Variants in TRPM3 observed in about 807,000 individuals in gnomAD.
TRPM3 encodes transient receptor potential cation channel subfamily M member 3.
Under a neutral mutation model 181.2 loss-of-function variants are expected in TRPM3, and 77 were observed. The ratio of observed to expected loss-of-function variants is 0.42; its 90% confidence interval spans 0.35 to 0.51. The LOEUF is 0.51. Ranked by LOEUF, TRPM3 falls within the 20% of genes least tolerant of loss-of-function variation. The probability of loss-of-function intolerance (pLI) is 0.01; values close to 1 mark genes in which losing one functional copy is unlikely to be tolerated. For synonymous variants in TRPM3, 745 were observed against 796.4 expected, an observed-to-expected ratio of 0.94 and a Z score of 1.09; for missense variants, 1,759 against 2,196.7, an observed-to-expected ratio of 0.80 and a Z score of 3.98.
At chr9:70,772,316 G>T (rs575575836) in intron 7 of TRPM3, among the ~76,000 whole-genome samples, 193 of 88,428 alleles carry the variant, frequency 2.2e-3, no homozygotes, top group African/African-American at 6.5e-3. Context: ...TGTCATCACA[G>T]AGAGTATTTT....
At chr9:70,630,399 C>A (rs1224727527) in intron 12 of TRPM3, among the ~76,000 whole-genome samples, 2 of 152,160 alleles carry the variant, frequency 1.3e-5, no homozygotes, top group Non-Finnish European at 2.9e-5. Context: ...TCCAGTGATC[C>A]CCTGGAGTTT....
intron 1 of TRPM3, among the ~76,000 whole-genome samples, chr9:71,174,799 ATCC>A (rs2077028271): frequency 6.6e-6 from 1 of 152,120 alleles, no homozygotes; most frequent in South Asian, 2.1e-4. Context: ...ACATAAGGAG[ATCC>A]TGATGATGAA....
chr9:70,581,894 T>TC (rs1564422972), intron 22 of TRPM3, among the ~76,000 whole-genome samples: 7 of 148,386 alleles, frequency 4.7e-5, no homozygotes, highest in Admixed American at 2.0e-4. Flanking sequence ...CTCCCTCCCT[T>TC]CCTCCTTCCC....
intron 9 of TRPM3, among the ~76,000 whole-genome samples, chr9:70,645,742 CAA>C (rs141101888): frequency 0.17 from 25,749 of 148,540 alleles, 2,546 homozygotes; most frequent in East Asian, 0.4. Flanking sequence ...TTCTTCACAG[CAA>C]AAAAAAAAAA....
chr9:71,431,224 C>T (rs1589000124), intron 1 of TRPM3, among the ~76,000 whole-genome samples: 3 of 151,932 alleles, frequency 2.0e-5, no homozygotes, highest in East Asian at 1.9e-4. Flanking sequence ...ACAAGTGTTC[C>T]GTAAGTTTCA....
At chr9:70,887,096 T>C (rs2096100365) in intron 1 of TRPM3, among the ~76,000 whole-genome samples, 1 of 152,196 alleles carries the variant, frequency 6.6e-6, no homozygotes, top group South Asian at 2.1e-4. Context: ...TTTACCAATA[T>C]AAACAACCTA....
chr9:70,851,063 C>T (rs1310409503), intron 3 of TRPM3, among the ~76,000 whole-genome samples: 1 of 152,064 alleles, frequency 6.6e-6, no homozygotes, highest in Non-Finnish European at 1.5e-5. Context: ...TTTTGGAACC[C>T]CAAAATTCTC....
chr9:70,604,128 C>T (rs1044038420), intron 19 of TRPM3, among the ~76,000 whole-genome samples: 4 of 152,160 alleles, frequency 2.6e-5, no homozygotes, highest in Admixed American at 6.5e-5. Context: ...GGAAAGGGTC[C>T]GTGTGGCCTT....
At chr9:71,444,908 C>T (rs1247497252) in intron 1 of TRPM3, among the ~76,000 whole-genome samples, 1 of 152,180 alleles carries the variant, frequency 6.6e-6, no homozygotes, top group Non-Finnish European at 1.5e-5. Flanking sequence ...ATCAAACTTG[C>T]CATGCAATGT....
Position 70,750,666 on chromosome 9 carries a change from T to C in TRPM3, c.1272+10935A>G, listed in dbSNP as rs377158586. On this transcript the variant is annotated intron_variant, in intron 8 of 25. Coordinates refer to ENST00000677713, the MANE Select transcript of TRPM3 (RefSeq NM_001366145.2). ...GAAACTCAGAATAACTTGGCCACAA[T>C]TGGCTGGTGGCGGTGGCAATGAGGA... is the stretch of plus-strand genomic sequence containing the variant. Among the ~76,000 whole-genome samples, 353 of 152,186 alleles carry C rather than the reference T, an allele frequency of 2.3e-3. 4 individuals carry two copies. The highest frequency in any genetic ancestry group is 0.019 in the South Asian group (93 of 4,818).
chr9:70,832,438 G>A (rs1460931604), intron 5 of TRPM3, among the ~76,000 whole-genome samples: 1 of 152,110 alleles, frequency 6.6e-6, no homozygotes, highest in Non-Finnish European at 1.5e-5. Flanking sequence ...AAGAGTAAAT[G>A]AGAGAATTCT....
At chr9:71,362,214 ATC>A (rs1329188731) in intron 1 of TRPM3, among the ~76,000 whole-genome samples, 1 of 152,214 alleles carries the variant, frequency 6.6e-6, no homozygotes, top group African/African-American at 2.4e-5. Flanking sequence ...TATCCTGAAC[ATC>A]TCTCATTCCA....
At chr9:70,585,261 T>C (rs189825514) in intron 22 of TRPM3, among the ~76,000 whole-genome samples, 83 of 152,302 alleles carry the variant, frequency 5.4e-4, no homozygotes, top group Non-Finnish European at 1.1e-3. Context: ...TCTATAAATA[T>C]TCACCCAGTT....
intron 22 of TRPM3, among the ~76,000 whole-genome samples, chr9:70,565,143 T>A (rs1206888169): frequency 6.6e-6 from 1 of 152,218 alleles, no homozygotes; most frequent in Admixed American, 6.5e-5. Context: ...GTATGCTGCA[T>A]ATGAACTGCT....
chr9:70,788,159 C>A (rs1387009158), intron 6 of TRPM3, among the ~76,000 whole-genome samples: 173 of 105,622 alleles, frequency 1.6e-3, no homozygotes, highest in African/African-American at 5.7e-3. Context: ...CTATCCCTCC[C>A]CCCTCCCCCC....
In TRPM3 at chr9:70,536,734, A is replaced by T; in HGVS notation, c.4379T>A (p.Leu1460His). The change falls in exon 26 of 26, where the codon CTT (leucine) becomes CAT (histidine). Residue 1460 changes from leucine (L) to histidine (H), a missense_variant. Physicochemically the swap from Leu to His is moderately conservative, Grantham distance 99 (BLOSUM62 -3). This residue lies in a region of TRPM3 where 612 missense variants were observed against 590.0 expected (regional missense o/e 1.04). Coordinates refer to ENST00000677713, the MANE Select transcript of TRPM3 (RefSeq NM_001366145.2). ...TAPSSSAYAT[L>H]APTDRPPSRS... The stretch of plus-strand genomic sequence containing the variant: ...GCTTGGAGGTCTGTCTGTGGGTGCA[A>T]GTGTTGCATAGGCACTACTTGAAGG... 6.2e-7 allele frequency: 1 copy of T among 1,614,172 alleles called. No individual in the cohort carries two copies. Among genetic ancestry groups the T allele is most frequent in the Non-Finnish European group, 8.5e-7 (1 of 1,180,046 alleles).
At chr9:70,571,502 G>T (rs561078489) in intron 22 of TRPM3, among the ~76,000 whole-genome samples, 5 of 152,178 alleles carry the variant, frequency 3.3e-5, no homozygotes, top group African/African-American at 1.2e-4. Flanking sequence ...GTCTCAAATA[G>T]TTGTACCTCT....
At chr9:71,380,631 T>G (rs922073035) in intron 1 of TRPM3, among the ~76,000 whole-genome samples, 1 of 152,064 alleles carries the variant, frequency 6.6e-6, no homozygotes, top group East Asian at 1.9e-4. Flanking sequence ...GAAAATAGTA[T>G]GGCTAATATC....
At chr9:70,873,497 A>G (rs1213045959) in intron 1 of TRPM3, among the ~76,000 whole-genome samples, 2 of 152,044 alleles carry the variant, frequency 1.3e-5, no homozygotes, top group Non-Finnish European at 2.9e-5. Flanking sequence ...TTTACGCTCC[A>G]GCAAACCAAA....
Sources: gnomAD v4.1 joint callset for allele counts (sites outside exome capture counted in the v4.1 genomes callset) on GRCh38, gnomAD v4.1.1 for gene constraint, gnomAD v4.1.1 regional missense constraint, MANE v1.5 for transcripts, NCBI Gene and HGNC (gene_info 2026-07-23, HGNC 2026-07-21) for gene names.